UBE2D2: variants seen among roughly 807,000 people sequenced by gnomAD.
UBE2D2 encodes ubiquitin-conjugating enzyme E2 D2.
UBE2D2 carries 2 observed loss-of-function variants against 24.2 expected under a neutral mutation model. The observed-to-expected ratio is 0.08, with a 90% CI of 0.03 to 0.26. The LOEUF (loss-of-function observed/expected upper bound fraction) is 0.26. UBE2D2 is among the 10% of genes least tolerant of loss of function. The pLI is 1.00. For missense variants in UBE2D2, 44 were observed against 177.6 expected (o/e 0.25, Z 4.28); for synonymous variants, 58 against 56.5 (o/e 1.03, Z -0.12).
intron 1 of UBE2D2, 183 bp downstream of exon 1, chr5:139,561,998 G>T: frequency 1.0e-6 from 1 of 953,658 alleles, no homozygotes; most frequent in Non-Finnish European, 1.5e-6. Context: ...CGCGCAGCCC[G>T]CGCTTAGGCC....
intron 1 of UBE2D2, among the ~76,000 whole-genome samples, chr5:139,552,611 T>C (rs1321343321): frequency 6.9e-6 from 1 of 145,340 alleles, no homozygotes. Flanking sequence ...TGGGATCAAG[T>C]GATTCTCCTG....
chr5:139,574,620 G>A (rs1038540194), intron 1 of UBE2D2, among the ~76,000 whole-genome samples: 1 of 151,364 alleles, frequency 6.6e-6, no homozygotes, highest in African/African-American at 2.4e-5. Context: ...CCCCTATTTA[G>A]ACTGAACTCT....
At chr5:139,543,111 G>C (rs1479419063) in intron 1 of UBE2D2, among the ~76,000 whole-genome samples, 4 of 151,912 alleles carry the variant, frequency 2.6e-5, no homozygotes, top group African/African-American at 9.7e-5. Context: ...TGGTCAGGCT[G>C]GTCTCGAACT....
At chr5:139,574,747 A>AAAAAAAG (rs1338732376) in intron 1 of UBE2D2, among the ~76,000 whole-genome samples, 1 of 151,848 alleles carries the variant, frequency 6.6e-6, no homozygotes, top group African/African-American at 2.4e-5. Flanking sequence ...AAAAAAAAAA[A>AAAAAAAG]AAAAAAGAAA....
chr5:139,543,261 A>G (rs1752781495), intron 1 of UBE2D2, among the ~76,000 whole-genome samples: 1 of 152,176 alleles, frequency 6.6e-6, no homozygotes, highest in African/African-American at 2.4e-5. Flanking sequence ...AAGAAGGTAA[A>G]CTTTGTGTGA....
intron 1 of UBE2D2, among the ~76,000 whole-genome samples, chr5:139,527,665 T>G (rs373751133): frequency 2.6e-5 from 4 of 152,280 alleles, no homozygotes; most frequent in African/African-American, 9.6e-5. Context: ...AATTAACTGG[T>G]TGTTTAAAGA....
chr5:139,569,119 A>G (rs1753301304), intron 1 of UBE2D2, among the ~76,000 whole-genome samples: 1 of 152,216 alleles, frequency 6.6e-6, no homozygotes. Flanking sequence ...TTGTCTGAAT[A>G]TGGCTATTTA....
intron 1 of UBE2D2, among the ~76,000 whole-genome samples, chr5:139,599,104 A>G (rs1192061982): frequency 6.6e-6 from 1 of 150,788 alleles, no homozygotes; most frequent in African/African-American, 2.4e-5. Flanking sequence ...TAATTTTTGT[A>G]TTTTTAGTAG....
chr5:139,567,224 C>T (rs942962133), intron 1 of UBE2D2, among the ~76,000 whole-genome samples: 1 of 151,916 alleles, frequency 6.6e-6, no homozygotes, highest in Non-Finnish European at 1.5e-5. Context: ...GTCAGCCTCC[C>T]GAGCAGCTGA....
chr5:139,576,763 C>T (rs1379671439), intron 1 of UBE2D2, among the ~76,000 whole-genome samples: 1 of 152,042 alleles, frequency 6.6e-6, no homozygotes, highest in Non-Finnish European at 1.5e-5. Flanking sequence ...TCTAAGCTTA[C>T]ATAAAATGTA....
Position 139,600,434 on chromosome 5 carries a change from T to C in UBE2D2, c.87T>C (p.Asp29=), listed in dbSNP as rs1754047046. 2 of 1,613,918 alleles carry C rather than the reference T, an allele frequency of 1.2e-6. No homozygotes were observed. The highest frequency in any genetic ancestry group is 8.5e-7 in the Non-Finnish European group (1 of 1,179,958). ...AQCSAGPVGD[D]MFHWQATIMG... is the part of the protein sequence containing the mutation. ...GTTCAGCAGGTCCTGTTGGAGATGA[T>C]AGTAAGTATTTAAAAGGAATAATGG... Residue 29 remains aspartate, a splice_region_variant and synonymous_variant, in exon 2 of 7, where the codon GAT becomes GAC. Transcript: ENST00000398733.
intron 2 of UBE2D2, among the ~76,000 whole-genome samples, chr5:139,612,714 A>G (rs1449835633): frequency 1.3e-5 from 2 of 152,164 alleles, no homozygotes; most frequent in East Asian, 3.8e-4. Flanking sequence ...TATTTACTCA[A>G]ATTGTAAGTA....
At chr5:139,595,256 G>A (rs942715542) in intron 1 of UBE2D2, among the ~76,000 whole-genome samples, 1 of 152,120 alleles carries the variant, frequency 6.6e-6, no homozygotes, top group African/African-American at 2.4e-5. Flanking sequence ...CTAGATCGAT[G>A]CCTTTATTAA....
chr5:139,566,806 G>A (rs1265411534), intron 1 of UBE2D2, among the ~76,000 whole-genome samples: 1 of 151,932 alleles, frequency 6.6e-6, no homozygotes, highest in African/African-American at 2.4e-5. Context: ...CTGCTAACCA[G>A]CTCCCTGCAA....
intron 6 of UBE2D2, among the ~76,000 whole-genome samples, chr5:139,624,592 C>A (rs1207369229): frequency 6.6e-6 from 1 of 152,248 alleles, no homozygotes; most frequent in Non-Finnish European, 1.5e-5. Flanking sequence ...TTGAGACCAG[C>A]CTGGCCAACG....
At chr5:139,581,714 G>A (rs1451922443) in intron 1 of UBE2D2, among the ~76,000 whole-genome samples, 1 of 152,038 alleles carries the variant, frequency 6.6e-6, no homozygotes, top group South Asian at 2.1e-4. Flanking sequence ...CGTCACCCAC[G>A]CTGGAGTGCA....
At chr5:139,547,349 CAG>C (rs900597610) in intron 1 of UBE2D2, among the ~76,000 whole-genome samples, 22 of 152,038 alleles carry the variant, frequency 1.4e-4, no homozygotes, top group African/African-American at 4.6e-4. Flanking sequence ...TATCATGAGT[CAG>C]GGGGTAATTT....
chr5:139,599,398 G>T (rs1754025338), intron 1 of UBE2D2, among the ~76,000 whole-genome samples: 1 of 151,902 alleles, frequency 6.6e-6, no homozygotes, highest in Non-Finnish European at 1.5e-5. Flanking sequence ...ACAAAAATTG[G>T]CCTTAAATTT....
At chr5:139,567,809 C>T (rs962716411) in intron 1 of UBE2D2, among the ~76,000 whole-genome samples, 16 of 152,296 alleles carry the variant, frequency 1.1e-4, no homozygotes, top group African/African-American at 3.6e-4. Context: ...GCTGGGATTA[C>T]AGGCGTGAGC....
Sources: allele counts gnomAD v4.1 joint callset (sites outside exome capture counted in the v4.1 genomes callset), GRCh38; gene constraint gnomAD v4.1.1; transcripts MANE v1.5; gene names NCBI Gene and HGNC (gene_info 2026-07-23, HGNC 2026-07-21).